STX5: variants seen among roughly 807,000 people sequenced by gnomAD.
The protein encoded by STX5 is syntaxin-5.
In STX5, 15 loss-of-function variants were observed where a neutral mutation model predicts 42.9. The observed-to-expected ratio is 0.35, with a 90% CI of 0.23 to 0.54. STX5 has a LOEUF of 0.54. Among genes scored for constraint, STX5 ranks in the 20% least tolerant of loss-of-function variants. The pLI is 0.91. For synonymous variants in STX5, 184 were observed against 173.2 expected (o/e 1.06, Z -0.49); for missense variants, 430 against 455.0 (o/e 0.95, Z 0.50).
chr11:62,807,768 G>A, intron 10 of STX5, 140 bp from the exon 11 acceptor site: 2 of 1,432,232 alleles, frequency 1.4e-6, no homozygotes, highest in Non-Finnish European at 9.3e-7. Flanking sequence ...AAAGGCTTTG[G>A]AAGGGTACTA....
At chr11:62,809,130 T>C (rs2084586476) in intron 10 of STX5, among the ~76,000 whole-genome samples, 1 of 151,004 alleles carries the variant, frequency 6.6e-6, no homozygotes, top group African/African-American at 2.4e-5. Flanking sequence ...CTACTAAAAA[T>C]ACAAAAAATT....
intron 10 of STX5, among the ~76,000 whole-genome samples, chr11:62,820,735 C>T (rs530256689): frequency 6.6e-6 from 1 of 151,632 alleles, no homozygotes; most frequent in Non-Finnish European, 1.5e-5. Context: ...TGGTCTCGAT[C>T]TCCTGACCTC....
Position 62,824,473 on chromosome 11 carries a change from G to A in STX5, c.772C>T (p.Leu258Phe). The change falls in exon 9 of 11, where the codon CTC becomes TTC. Residue 258 changes from leucine (L) to phenylalanine (F), a missense_variant. Leu to Phe is a conservative substitution (Grantham distance 22, BLOSUM62 0). Coordinates refer to ENST00000294179, the MANE Select transcript of STX5 (RefSeq NM_003164.5). The part of the protein sequence containing the change: ...MDSRTSQQLQ[L>F]IDEQDSYIQS... The stretch of plus-strand genomic sequence containing the variant: ...AGCCTGGGTACCTGCTCGTCAATGA[G>A]CTGCAGCTGCTGGCTGGTCCGAGAG... 2 of 1,614,178 alleles carry A rather than the reference G, an allele frequency of 1.2e-6. No individual in the cohort carries two copies. The highest frequency in any genetic ancestry group is 2.2e-5 in the East Asian group (1 of 44,872).
chr11:62,831,090 GA>G lies in STX5; in HGVS notation c.153del (p.Asp53ThrfsTer63), dbSNP rs1456281045. The G allele has an allele frequency of 3.9e-6, 6 of 1,555,792 alleles. No individual in the cohort carries two copies. The African/African-American group carries it at 8.2e-5, about 21-fold the overall frequency. Reference sequence around the variant, plus strand: ...CGATCCCGGCAGGACATGGTGTCGGGAGGGGGAGGGACGAGGGTCACTGGGG... The same window carrying G: ...CGATCCCGGCAGGACATGGTGTCGGGGGGGGAGGGACGAGGGTCACTGGGG... The part of the protein sequence containing the change: ...LPPPVTLVPP[P>X]PDTMSCRDRT... On this transcript the variant is annotated frameshift_variant, in exon 2 of 11. Coordinates refer to ENST00000294179, the MANE Select transcript of STX5 (RefSeq NM_003164.5). LOFTEE classifies it high-confidence loss of function.
intron 5 of STX5, among the ~76,000 whole-genome samples, chr11:62,826,109 C>A (rs1282691560): frequency 6.6e-6 from 1 of 152,102 alleles, no homozygotes; most frequent in East Asian, 1.9e-4. Flanking sequence ...CAAAAATTAG[C>A]TGGGTGTGGT....
chr11:62,814,200 T>G (rs890071367), intron 10 of STX5, among the ~76,000 whole-genome samples: 1 of 152,040 alleles, frequency 6.6e-6, no homozygotes, highest in African/African-American at 2.4e-5. Flanking sequence ...AGTTTCGCTC[T>G]TGTTGCTCAG....
intron 5 of STX5, 128 bp from the exon 6 acceptor site, chr11:62,825,667 C>A (rs749777857): frequency 7.2e-6 from 6 of 828,720 alleles, no homozygotes; most frequent in Non-Finnish European, 1.2e-5. Flanking sequence ...GTATCTCAGA[C>A]AGTCAGACCA....
chr11:62,808,579 G>C (rs1301292728), intron 10 of STX5, among the ~76,000 whole-genome samples: 2 of 152,080 alleles, frequency 1.3e-5, no homozygotes, highest in African/African-American at 4.8e-5. Context: ...TAAGACACTT[G>C]TCTCTACTAA....
chr11:62,826,678 C>T (rs1250275622), intron 5 of STX5, among the ~76,000 whole-genome samples: 1 of 151,960 alleles, frequency 6.6e-6, no homozygotes, highest in Non-Finnish European at 1.5e-5. Flanking sequence ...CACTTGAGGT[C>T]AGGAGTTCGA....
Position 62,824,276 on chromosome 11 carries a change from G to T in STX5, c.798C>A (p.Ile266=). The change falls in exon 10 of 11, where the codon ATC becomes ATA. Residue 266 remains isoleucine (I), a synonymous_variant. Coordinates refer to ENST00000294179, the MANE Select transcript of STX5 (RefSeq NM_003164.5). ...TCTGCATGGTGTCTGCCCGACTCTG[G>T]ATGTAGGAATCCTTCAGGAGAGGGA... ...LQLIDEQDSY[I]QSRADTMQNI... The T allele has an allele frequency of 1.9e-6, 3 of 1,614,190 alleles. No individual in the cohort carries two copies. The highest frequency in any genetic ancestry group is 2.5e-6 in the Non-Finnish European group (3 of 1,180,050).
At chr11:62,818,565 G>GAAAAAAAAAAAA (rs1307603732) in intron 10 of STX5, among the ~76,000 whole-genome samples, 8 of 92,762 alleles carry the variant, frequency 8.6e-5, no homozygotes, top group East Asian at 3.1e-4. Context: ...CTCTGTCTCA[G>GAAAAAAAAAAAA]AAAAAAAAAA....
At chr11:62,811,649 C>T (rs2084618011) in intron 10 of STX5, among the ~76,000 whole-genome samples, 1 of 150,778 alleles carries the variant, frequency 6.6e-6, no homozygotes, top group South Asian at 2.1e-4. Flanking sequence ...ACTCTGAGTT[C>T]TCTCATCCCT....
chr11:62,815,469 G>A (rs1041106898), intron 10 of STX5, among the ~76,000 whole-genome samples: 7 of 150,798 alleles, frequency 4.6e-5, no homozygotes, highest in East Asian at 1.9e-4. Context: ...ACTCTGTTGT[G>A]ACACTCACTG....
intron 10 of STX5, among the ~76,000 whole-genome samples, chr11:62,811,908 G>T (rs565627210): frequency 6.6e-6 from 1 of 152,118 alleles, no homozygotes; most frequent in South Asian, 2.1e-4. Flanking sequence ...GACCCAGCAG[G>T]ATTAGCTCAC....
intron 10 of STX5, 134 bp from the exon 11 acceptor site, chr11:62,807,762 G>C: frequency 6.9e-7 from 1 of 1,443,408 alleles, no homozygotes; most frequent in Non-Finnish European, 9.2e-7. Context: ...TATAGAAAAG[G>C]CTTTGGAAGG....
intron 2 of STX5, among the ~76,000 whole-genome samples, chr11:62,829,129 A>G (rs984327991): frequency 2.0e-5 from 3 of 152,082 alleles, no homozygotes; most frequent in Non-Finnish European, 4.4e-5. Flanking sequence ...GGGATTGTTG[A>G]AAAAAACACT....
In STX5 at chr11:62,827,566, C is replaced by T; in HGVS notation, c.291G>A (p.Met97Ile). ...AVRQRSEFTL[M>I]AKRIGKDLSN... ...GAAAGCTTCTCTCAACTCACTTGGC[C>T]ATGAGGGTGAATTCACTGCGTTGTC... Residue 97 changes from methionine (M) to isoleucine (I), a missense_variant, in exon 3 of 11, where the codon ATG becomes ATA. Transcript: ENST00000294179. The T allele has an allele frequency of 1.2e-6, 2 of 1,614,224 alleles. No individual in the cohort carries two copies. Among genetic ancestry groups the T allele is most frequent in the Non-Finnish European group, 8.5e-7 (1 of 1,180,040 alleles).
intron 5 of STX5, 113 bp downstream of exon 5, chr11:62,827,042 C>A: frequency 2.2e-6 from 2 of 909,918 alleles, no homozygotes; most frequent in Non-Finnish European, 3.4e-6. Context: ...ACAGTGAGAC[C>A]CCCCTCTCTA....
At position 62,825,194 on chromosome 11, in the gene STX5, C is replaced by A. The variant is rs543911924; in HGVS notation, c.598-77G>T. The A allele has an allele frequency of 9.3e-6, 15 of 1,611,336 alleles. No individual in the cohort carries two copies. In the African/African-American group the frequency reaches 1.6e-4, roughly 17 times the overall value. On this transcript the variant is annotated intron_variant, in intron 7 of 10. Coordinates refer to ENST00000294179, the MANE Select transcript of STX5 (RefSeq NM_003164.5). ...GTTAAAGAGACTCCCACCATTGGCC[C>A]CATGACCCTGTAGAACTTGTCCCTT...
Sources: gnomAD v4.1 joint callset for allele counts (sites outside exome capture counted in the v4.1 genomes callset) on GRCh38, gnomAD v4.1.1 for gene constraint, MANE v1.5 for transcripts, NCBI Gene and HGNC (gene_info 2026-07-23, HGNC 2026-07-21) for gene names.